ANO4: variants seen among roughly 807,000 people sequenced by gnomAD.
ANO4 encodes anoctamin-4.
ANO4 carries 69 observed loss-of-function variants against 141.9 expected under a neutral mutation model. The ratio of observed to expected loss-of-function variants is 0.49; its 90% CI spans 0.40 to 0.59. ANO4 has a LOEUF of 0.59. ANO4 is among the 20% of genes least tolerant of loss of function. ANO4 has a pLI of 0.00. For synonymous variants in ANO4, 350 were observed against 394.3 expected (o/e 0.89, Z 1.33); for missense variants, 894 against 1,162.2 (o/e 0.77, Z 3.36).
chr12:101,053,589 C>T (rs185464956), intron 14 of ANO4, among the ~76,000 whole-genome samples: 19 of 152,302 alleles, frequency 1.2e-4, no homozygotes, highest in African/African-American at 4.6e-4. Flanking sequence ...ACTCCTATCT[C>T]TGCCTCTGTC....
At chr12:100,726,841 TTC>T (rs1472369959) in intron 1 of ANO4, among the ~76,000 whole-genome samples, 1 of 152,156 alleles carries the variant, frequency 6.6e-6, no homozygotes, top group Non-Finnish European at 1.5e-5. Context: ...TATGCTTATA[TTC>T]TCTGTTTTGT....
At chr12:100,955,080 G>A (rs1029964288) in intron 5 of ANO4, among the ~76,000 whole-genome samples, 3 of 152,214 alleles carry the variant, frequency 2.0e-5, no homozygotes, top group African/African-American at 2.4e-5. Context: ...TCATGCACAC[G>A]TGTATTGAGC....
chr12:100,746,124 C>A (rs2032092304), intron 3 of ANO4, among the ~76,000 whole-genome samples: 1 of 152,156 alleles, frequency 6.6e-6, no homozygotes, highest in Admixed American at 6.5e-5. Context: ...TCTATGCACA[C>A]CTCCTGAAAG....
chr12:101,102,973 T>C (rs551895107), intron 22 of ANO4, among the ~76,000 whole-genome samples: 1 of 151,618 alleles, frequency 6.6e-6, no homozygotes, highest in Non-Finnish European at 1.5e-5. Flanking sequence ...TTTGTGCAAC[T>C]GCAAATGATG....
chr12:101,097,776 G>A, intron 20 of ANO4, 68 bp downstream of exon 20: 1 of 1,607,258 alleles, frequency 6.2e-7, no homozygotes, highest in Non-Finnish European at 8.5e-7. Context: ...GCAACTTTGT[G>A]TAGATTATAA....
intron 8 of ANO4, among the ~76,000 whole-genome samples, chr12:100,996,792 T>C (rs1471556986): frequency 6.6e-6 from 1 of 152,212 alleles, no homozygotes; most frequent in East Asian, 1.9e-4. Flanking sequence ...TCTTCTTATC[T>C]TTTGACTGTT....
intron 15 of ANO4, among the ~76,000 whole-genome samples, chr12:101,082,396 T>A (rs909533011): frequency 1.3e-5 from 2 of 152,180 alleles, no homozygotes; most frequent in African/African-American, 4.8e-5. Flanking sequence ...CATAGCAGTA[T>A]GAAAATGGAC....
intron 1 of ANO4, among the ~76,000 whole-genome samples, chr12:100,865,535 G>T (rs946045031): frequency 6.6e-5 from 10 of 152,108 alleles, no homozygotes; most frequent in African/African-American, 2.4e-4. Context: ...CATTTATGCG[G>T]CCAACAAACA....
At chr12:100,774,888 G>A (rs577101575) in intron 3 of ANO4, among the ~76,000 whole-genome samples, 25 of 152,252 alleles carry the variant, frequency 1.6e-4, no homozygotes, top group South Asian at 4.2e-4. Flanking sequence ...TGCCTACAGG[G>A]GAAATGCATT....
chr12:100,790,038 C>T (rs73147636), upstream of ANO4, among the ~76,000 whole-genome samples: 6,247 of 152,188 alleles, frequency 0.041, 168 homozygotes, highest in Non-Finnish European at 0.065. Context: ...TGGCATTGAA[C>T]TGGGCCTTGA....
intron 14 of ANO4, among the ~76,000 whole-genome samples, chr12:101,078,874 G>A (rs1014467515): frequency 3.3e-5 from 5 of 152,058 alleles, no homozygotes; most frequent in Non-Finnish European, 4.4e-5. Context: ...GATAGATGTC[G>A]GTAACCCAGT....
intron 14 of ANO4, among the ~76,000 whole-genome samples, chr12:101,051,482 A>G (rs589202): frequency 0.7 from 107,240 of 152,170 alleles, 38,271 homozygotes; most frequent in African/African-American, 0.81. Flanking sequence ...GAAATGTGCT[A>G]GTTTGAGAAA....
chr12:100,844,206 G>C (rs969011611), intron 1 of ANO4, among the ~76,000 whole-genome samples: 2 of 152,078 alleles, frequency 1.3e-5, no homozygotes, highest in African/African-American at 4.8e-5. Flanking sequence ...AAGAGAACAG[G>C]CCAATGGAAT....
Position 101,043,715 on chromosome 12 carries a change from T to C in ANO4, c.1251+80T>C, listed in dbSNP as rs940244101. 2.2e-5 allele frequency: 22 copies of C among 996,432 alleles called. No homozygotes were observed. The African/African-American group carries it at 3.0e-4, about 14-fold the overall frequency. 61.7% of individuals were successfully genotyped at this position (996,432 alleles called of 1,614,324 possible). A position where few individuals can be genotyped will look rare whatever the true frequency, so the allele number is the denominator to read the frequency against. ...AGGGATGGTGGGTAACTCTATTCTG[T>C]CATTTCCAGTCTTTGATTTTCAAGT... On this transcript the variant is annotated intron_variant, in intron 13 of 27. Transcript: ENST00000392977.
In ANO4 at chr12:100,901,750, C is replaced by T; in HGVS notation, c.-36C>T. On this transcript the variant is annotated 5_prime_UTR_variant, in exon 2 of 28. Coordinates refer to ENST00000392977, the MANE Select transcript of ANO4 (RefSeq NM_001286615.2). ...ACGTCGTCGCCTGCCTGTGGTCAGGCATTCCTCACTCCCACCAGGCAGAAG... is the reference window on the plus strand; with the variant it reads ...ACGTCGTCGCCTGCCTGTGGTCAGGTATTCCTCACTCCCACCAGGCAGAAG... The T allele has an allele frequency of 6.2e-7, 1 of 1,601,684 alleles. No homozygotes were observed.
Position 101,084,535 on chromosome 12 carries a change from A to G in ANO4, c.1536+717A>G, listed in dbSNP as rs191262155. ...CCTTTCCTTTTTTCAAATGATGAGT[A>G]TATAAATATATGCCTAGACCATTAG... On this transcript the variant is annotated intron_variant, in intron 16 of 27. Coordinates refer to ENST00000392977, the MANE Select transcript of ANO4 (RefSeq NM_001286615.2). 5.3e-5 allele frequency among the ~76,000 whole-genome samples: 8 copies of G among 152,292 alleles called. No homozygotes were observed. The East Asian group carries it at 7.7e-4, about 15-fold the overall frequency.
At chr12:100,849,223 C>A (rs2037740174) in intron 1 of ANO4, among the ~76,000 whole-genome samples, 1 of 152,074 alleles carries the variant, frequency 6.6e-6, no homozygotes. Context: ...TAGAAAAGAA[C>A]CTGGGCCATA....
Position 101,110,421 on chromosome 12 carries a change from A to G in ANO4, c.2167A>G (p.Thr723Ala), listed in dbSNP as rs2050618849. The change falls in exon 23 of 28, where the codon ACA (threonine) becomes GCA (alanine). Residue 723 changes from threonine to alanine, a missense_variant. By Grantham distance (58) the Thr-to-Ala change is moderately conservative. Around this residue, in one of 2 missense-constraint regions of ANO4, gnomAD observed 637 missense variants for 909.2 expected, o/e 0.70. Transcript: ENST00000392977. The part of the protein sequence containing the change: ...YLEMILQFGF[T>A]TIFVAAFPLA... ...TTTTCTAGTTCTTCAGTTTGGATTC[A>G]CAACTATCTTTGTGGCAGCTTTTCC... The G allele has an allele frequency of 3.1e-6, 5 of 1,607,188 alleles. No homozygotes were observed. The highest frequency in any genetic ancestry group is 1.3e-5 in the African/African-American group (1 of 74,740).
At chr12:100,830,934 A>G (rs1228497862) in intron 1 of ANO4, among the ~76,000 whole-genome samples, 2 of 152,074 alleles carry the variant, frequency 1.3e-5, no homozygotes, top group African/African-American at 2.4e-5. Flanking sequence ...TATAAATATT[A>G]TATAGAAATC....
Sources: gnomAD v4.1 joint callset for allele counts (sites outside exome capture counted in the v4.1 genomes callset) on GRCh38, gnomAD v4.1.1 for gene constraint, gnomAD v4.1.1 regional missense constraint, MANE v1.5 for transcripts, NCBI Gene and HGNC (gene_info 2026-07-23, HGNC 2026-07-21) for gene names.